The following CNTN1 variants were observed in gnomAD, a reference collection of about 807,000 sequenced individuals.
CNTN1 encodes the protein contactin-1.
CNTN1 carries 38 observed loss-of-function variants against 126.4 expected under a neutral mutation model. The observed-to-expected ratio is 0.30, with a 90% CI of 0.23 to 0.39. The LOEUF is 0.39. CNTN1 is among the 10% of genes least tolerant of loss of function. The pLI is 1.00. For missense variants in CNTN1, 1,009 were observed against 1,248.4 expected, an observed-to-expected ratio of 0.81 and a Z score of 2.89; for synonymous variants, 413 against 422.6, an observed-to-expected ratio of 0.98 and a Z score of 0.28.
chr12:41,042,128 T>C (rs1592449188), intron 23 of CNTN1, among the ~76,000 whole-genome samples: 1 of 152,236 alleles, frequency 6.6e-6, no homozygotes, highest in Admixed American at 6.5e-5. Context: ...TTTGTTCTCG[T>C]TGGTTTCAAA....
rs552417779 is a variant in CNTN1 at position 40,787,337 on chromosome 12, C to A, written c.-77+94745C>A. 2.6e-4 allele frequency among the ~76,000 whole-genome samples: 39 copies of A among 152,298 alleles called. No individual in the cohort carries two copies. In the Middle Eastern group the frequency reaches 0.014, roughly 53 times the overall value. ...TTTAGCACCAAATATGTGCTCACTACTCTGCTTAGCACTTTTGGGCACACG... is the reference window on the plus strand; with the variant it reads ...TTTAGCACCAAATATGTGCTCACTAATCTGCTTAGCACTTTTGGGCACACG... On this transcript the variant is annotated intron_variant, in intron 1 of 23. Coordinates refer to ENST00000551295, the MANE Select transcript of CNTN1 (RefSeq NM_001843.4).
chr12:40,701,719 T>A (rs1455052871), intron 1 of CNTN1, among the ~76,000 whole-genome samples: 3 of 152,204 alleles, frequency 2.0e-5, no homozygotes, highest in Non-Finnish European at 4.4e-5. Context: ...TGCTTGAAAA[T>A]TAACCTGGTT....
intron 1 of CNTN1, among the ~76,000 whole-genome samples, chr12:40,813,954 A>G (rs949603394): frequency 6.6e-6 from 1 of 152,042 alleles, no homozygotes; most frequent in African/African-American, 2.4e-5. Context: ...AGTGGTGTTC[A>G]GCTTTTTTTC....
At chr12:40,876,266 AAAC>A (rs1368929593) in intron 1 of CNTN1, among the ~76,000 whole-genome samples, 1 of 152,136 alleles carries the variant, frequency 6.6e-6, no homozygotes, top group Non-Finnish European at 1.5e-5. Flanking sequence ...GTGAGAAAGA[AAAC>A]ACTTCAAGTG....
chr12:40,804,651 T>A (rs1227601078), intron 1 of CNTN1, among the ~76,000 whole-genome samples: 2 of 151,902 alleles, frequency 1.3e-5, no homozygotes, highest in Admixed American at 1.3e-4. Flanking sequence ...TTTAATGGAT[T>A]CAGGTTATAG....
chr12:40,968,176 A>G (rs1566058972), intron 15 of CNTN1, among the ~76,000 whole-genome samples: 1 of 152,148 alleles, frequency 6.6e-6, no homozygotes, highest in Non-Finnish European at 1.5e-5. Flanking sequence ...AATTTCAGGT[A>G]GAACACCCAG....
intron 1 of CNTN1, among the ~76,000 whole-genome samples, chr12:40,700,498 C>G (rs1941567369): frequency 6.6e-6 from 1 of 151,754 alleles, no homozygotes; most frequent in Non-Finnish European, 1.5e-5. Context: ...TGCACTCCAG[C>G]CTGGGTGACA....
intron 23 of CNTN1, among the ~76,000 whole-genome samples, chr12:41,049,949 G>A (rs1592462036): frequency 1.3e-5 from 2 of 152,320 alleles, no homozygotes; most frequent in East Asian, 1.9e-4. Flanking sequence ...CCAGTCTGGA[G>A]TGCAGAGTAG....
At chr12:40,903,451 C>G (rs1237465639) in intron 1 of CNTN1, among the ~76,000 whole-genome samples, 2 of 137,802 alleles carry the variant, frequency 1.5e-5, no homozygotes, top group Non-Finnish European at 3.1e-5. Context: ...CCATGGAGGT[C>G]AGGGGGCTAG....
At chr12:40,979,406 C>T (rs1177205475) in intron 15 of CNTN1, among the ~76,000 whole-genome samples, 1 of 151,906 alleles carries the variant, frequency 6.6e-6, no homozygotes, top group Non-Finnish European at 1.5e-5. Flanking sequence ...AAAAGGCCAT[C>T]TAAGCTAAGC....
intron 1 of CNTN1, among the ~76,000 whole-genome samples, chr12:40,793,449 A>G (rs1292312521): frequency 7.9e-6 from 1 of 125,920 alleles, no homozygotes; most frequent in Non-Finnish European, 1.7e-5. Flanking sequence ...TGTCCCCGTC[A>G]GCACCTACTT....
chr12:41,053,468 T>TATATATATATATA (rs60201950), intron 23 of CNTN1, among the ~76,000 whole-genome samples: 494 of 130,526 alleles, frequency 3.8e-3, no homozygotes, highest in African/African-American at 4.2e-3. Context: ...TATATATATA[T>TATATATATATATA]TTGCCAATAA....
Position 41,070,018 on chromosome 12 carries a change from G to A in CNTN1, c.3040G>A (p.Val1014Ile). The change falls in exon 24 of 24, where the codon GTC becomes ATC. Residue 1014 changes from valine to isoleucine, a missense_variant. Coordinates refer to ENST00000551295, the MANE Select transcript of CNTN1 (RefSeq NM_001843.4). Reference sequence around the variant, plus strand: ...ACTGCTGCCTGCCTTTGGCATCCTTGTCTACTTGGAATTCTGAATGTGTTG... The same window carrying A: ...ACTGCTGCCTGCCTTTGGCATCCTTATCTACTTGGAATTCTGAATGTGTTG... ...GLLLPAFGILVYLEF is the reference protein window; with the variant it reads ...GLLLPAFGILIYLEF 1 of 1,613,982 alleles carries A rather than the reference G, an allele frequency of 6.2e-7. No individual in the cohort carries two copies. Among genetic ancestry groups the A allele is most frequent in the Non-Finnish European group, 8.5e-7 (1 of 1,179,966 alleles).
chr12:40,965,998 C>CCACACACACACACACA (rs57532764), intron 15 of CNTN1, among the ~76,000 whole-genome samples: 18 of 136,198 alleles, frequency 1.3e-4, no homozygotes, highest in Non-Finnish European at 1.9e-4. Flanking sequence ...CCTCATCACA[C>CCACACACACACACACA]CACACACACA....
chr12:40,771,939 G>A (rs992800040), intron 1 of CNTN1, among the ~76,000 whole-genome samples: 6 of 151,954 alleles, frequency 3.9e-5, no homozygotes, highest in African/African-American at 1.4e-4. Flanking sequence ...CAGAACACAT[G>A]GCAAGTGGCA....
intron 17 of CNTN1, among the ~76,000 whole-genome samples, chr12:41,012,885 T>A (rs765129589): frequency 1.4e-4 from 21 of 152,228 alleles, no homozygotes; most frequent in Admixed American, 3.9e-4. Flanking sequence ...GAAATGGCTA[T>A]GTTGTCTGGG....
chr12:40,956,975 T>G (rs1946908324), intron 14 of CNTN1, among the ~76,000 whole-genome samples: 1 of 151,754 alleles, frequency 6.6e-6, no homozygotes, highest in Non-Finnish European at 1.5e-5. Context: ...TTCAAGAATT[T>G]ATGATGAGTT....
At position 41,070,071 on chromosome 12, in the gene CNTN1, A is replaced by G; in HGVS notation, c.*36A>G. The G allele has an allele frequency of 6.3e-7, 1 of 1,580,238 alleles. No homozygotes were observed. Among genetic ancestry groups the G allele is most frequent in the Non-Finnish European group, 8.7e-7 (1 of 1,149,688 alleles). On this transcript the variant is annotated 3_prime_UTR_variant, in exon 24 of 24. Transcript: ENST00000551295. ...ACAGCTGCTGTTCCCATCCCAGCTC[A>G]GAAGACACCCTTCAACCCTGGGATG...
At chr12:40,829,521 T>C (rs1185025714) in intron 1 of CNTN1, among the ~76,000 whole-genome samples, 3 of 151,956 alleles carry the variant, frequency 2.0e-5, no homozygotes, top group African/African-American at 7.2e-5. Flanking sequence ...AAGAAAGAAA[T>C]TTAGAGTAAT....
Sources: gnomAD v4.1 joint callset for allele counts (sites outside exome capture counted in the v4.1 genomes callset) on GRCh38, gnomAD v4.1.1 for gene constraint, MANE v1.5 for transcripts, NCBI Gene and HGNC (gene_info 2026-07-23, HGNC 2026-07-21) for gene names.